The following CAPN5 variants were observed in gnomAD, a reference collection of about 807,000 sequenced individuals.
CAPN5 encodes the protein calpain-5.
Under a neutral mutation model 73.0 loss-of-function variants are expected in CAPN5, and 54 were observed. The ratio of observed to expected loss-of-function variants is 0.74; its 90% CI spans 0.59 to 0.93. CAPN5 has a LOEUF of 0.93. CAPN5 is among the 40% of genes least tolerant of loss of function. The pLI is 0.00. For synonymous variants in CAPN5, 335 were observed against 356.9 expected, an observed-to-expected ratio of 0.94 and a Z score of 0.69; for missense variants, 785 against 882.9, an observed-to-expected ratio of 0.89 and a Z score of 1.41.
intron 3 of CAPN5, among the ~76,000 whole-genome samples, chr11:77,098,423 G>A (rs1259892043): frequency 5.6e-5 from 6 of 107,740 alleles, no homozygotes; most frequent in Non-Finnish European, 9.6e-5. Context: ...CCGGGCAGAG[G>A]GGCTCCTCAC....
chr11:77,091,728 C>T (rs944998923), intron 2 of CAPN5, among the ~76,000 whole-genome samples: 16 of 152,142 alleles, frequency 1.1e-4, no homozygotes, highest in African/African-American at 3.6e-4. Flanking sequence ...ACCCCCAGCT[C>T]AGGCCTTGGG....
chr11:77,075,162 G>T (rs1949955931), intron 1 of CAPN5, among the ~76,000 whole-genome samples: 1 of 152,118 alleles, frequency 6.6e-6, no homozygotes, highest in Non-Finnish European at 1.5e-5. Flanking sequence ...CCTCTGGCGG[G>T]ATCCTCTGCA....
chr11:77,112,970 C>T (rs1459687955), intron 4 of CAPN5, 173 bp downstream of exon 4: 1 of 655,006 alleles, frequency 1.5e-6, no homozygotes, highest in Non-Finnish European at 2.6e-6. Context: ...TGAGCCTGTG[C>T]TGGGTGGGGT....
intron 2 of CAPN5, among the ~76,000 whole-genome samples, chr11:77,092,174 G>A (rs1450018833): frequency 6.6e-6 from 1 of 152,210 alleles, no homozygotes; most frequent in African/African-American, 2.4e-5. Flanking sequence ...AGCTGTGATT[G>A]TGACTGCACT....
At chr11:77,098,545 C>CA (rs1950241976) in intron 3 of CAPN5, among the ~76,000 whole-genome samples, 2 of 83,568 alleles carry the variant, frequency 2.4e-5, no homozygotes, top group Non-Finnish European at 4.7e-5. Flanking sequence ...GCTGGCCGGG[C>CA]GGGGGGCTGA....
chr11:77,083,443 C>T (rs376925919), intron 1 of CAPN5, among the ~76,000 whole-genome samples: 89 of 152,306 alleles, frequency 5.8e-4, no homozygotes, highest in African/African-American at 2.1e-3. Flanking sequence ...ACAGCCAAGG[C>T]GGTGGCACTA....
At chr11:77,091,835 TCCTAGCA>T (rs1950151671) in intron 2 of CAPN5, among the ~76,000 whole-genome samples, 1 of 152,316 alleles carries the variant, frequency 6.6e-6, no homozygotes, top group South Asian at 2.1e-4. Flanking sequence ...GGGCATAGCT[TCCTAGCA>T]CCTGAAAATT....
At chr11:77,074,403 C>T (rs1949946189) in intron 1 of CAPN5, among the ~76,000 whole-genome samples, 1 of 152,220 alleles carries the variant, frequency 6.6e-6, no homozygotes. Context: ...TTTCCCTCTC[C>T]CTGTGCCACA....
chr11:77,114,055 A>G (rs1465850609), intron 4 of CAPN5, among the ~76,000 whole-genome samples, 187 bp from the exon 5 acceptor site: 8 of 149,202 alleles, frequency 5.4e-5, no homozygotes, highest in African/African-American at 2.0e-4. Context: ...GGCTTAGGGG[A>G]ATTTAAGCCT....
intron 3 of CAPN5, among the ~76,000 whole-genome samples, chr11:77,094,054 T>TC (rs1178788096): frequency 6.6e-6 from 1 of 152,108 alleles, no homozygotes; most frequent in Non-Finnish European, 1.5e-5. Context: ...TTCTGATGTG[T>TC]CCCCCCCAAC....
At chr11:77,085,201 C>A (rs1555035293) in intron 2 of CAPN5, 150 bp downstream of exon 2, 4 of 693,884 alleles carry the variant, frequency 5.8e-6, no homozygotes, top group Non-Finnish European at 9.8e-6. Context: ...GGATTTGATC[C>A]GGATGGGGAG....
chr11:77,120,744 G>T lies in CAPN5; in HGVS notation c.1322G>T (p.Ser441Ile), dbSNP rs782010591. The change falls in exon 10 of 13, where the codon AGC (serine) becomes ATC (isoleucine). Residue 441 changes from serine to isoleucine, a missense_variant. Physicochemically the swap from Ser to Ile is moderately radical, Grantham distance 142. Transcript: ENST00000648180. ...GAGAACCGCCAGTACCGCATGCACA[G>T]CCTGCAGCACAAGGCCGCCAGCTCC... The part of the protein sequence containing the change: ...VEENRQYRMH[S>I]LQHKAASSIY... 9 of 1,613,178 alleles carry T rather than the reference G, an allele frequency of 5.6e-6. No homozygotes were observed. Among genetic ancestry groups the T allele is most frequent in the Non-Finnish European group, 6.8e-6 (8 of 1,179,742 alleles).
intron 4 of CAPN5, among the ~76,000 whole-genome samples, chr11:77,113,463 G>T (rs1221060684): frequency 2.0e-5 from 3 of 152,216 alleles, no homozygotes; most frequent in Admixed American, 2.0e-4. Flanking sequence ...GGGGCAGTGG[G>T]GTCAGAGGCC....
chr11:77,123,584 C>G, intron 12 of CAPN5, 104 bp from the exon 13 acceptor site: 1 of 954,832 alleles, frequency 1.0e-6, no homozygotes, highest in Non-Finnish European at 1.6e-6. Context: ...CTCAGCCAGG[C>G]TTGCACTTCA....
intron 3 of CAPN5, among the ~76,000 whole-genome samples, chr11:77,103,877 G>C (rs1428487226): frequency 1.3e-5 from 2 of 152,218 alleles, no homozygotes; most frequent in Non-Finnish European, 2.9e-5. Flanking sequence ...ATGGGGCAGG[G>C]TTGCTGCAGG....
At chr11:77,071,537 C>T (rs1394592808) in intron 1 of CAPN5, 1 of 419,398 alleles carries the variant, frequency 2.4e-6, no homozygotes, top group African/African-American at 2.0e-5. Flanking sequence ...CTATTACGGC[C>T]AAGTCCTGTC....
chr11:77,120,846 T>TC lies in CAPN5; in HGVS notation c.1425dup (p.Glu476ArgfsTer15). 1 of 1,614,066 alleles carries TC rather than the reference T, an allele frequency of 6.2e-7. No individual in the cohort carries two copies. Among genetic ancestry groups the TC allele is most frequent in the South Asian group, 1.1e-5 (1 of 91,058 alleles). The stretch of plus-strand genomic sequence containing the variant: ...CGCTATGTCATCATCCCCACAACCT[T>TC]CGAGCCAGGCCACACTGGCGAGTTC... On this transcript the variant is annotated frameshift_variant, in exon 10 of 13. Coordinates refer to ENST00000648180, the MANE Select transcript of CAPN5 (RefSeq NM_004055.5). LOFTEE classifies it high-confidence loss of function.
rs1555040916 is a variant in CAPN5, at chr11:77,112,579, C to T, written c.298-10C>T. On this transcript the variant is annotated splice_polypyrimidine_tract_variant and intron_variant, in intron 3 of 12. Transcript: ENST00000648180. The stretch of plus-strand genomic sequence containing the variant: ...TGTTCCCCCATCCTATCCCCCCTCC[C>T]CCTACCCAGGTCATCCCAGACTGGA... The T allele has an allele frequency of 1.2e-6, 2 of 1,612,158 alleles. No homozygotes were observed. Among genetic ancestry groups the T allele is most frequent in the Non-Finnish European group, 1.7e-6 (2 of 1,178,724 alleles).
chr11:77,094,773 A>G (rs868930590), intron 3 of CAPN5, among the ~76,000 whole-genome samples: 2 of 152,254 alleles, frequency 1.3e-5, no homozygotes, highest in African/African-American at 2.4e-5. Flanking sequence ...TGGTGAGGAT[A>G]GGACCAGATG....
Sources: allele counts gnomAD v4.1 joint callset (sites outside exome capture counted in the v4.1 genomes callset), GRCh38; gene constraint gnomAD v4.1.1; transcripts MANE v1.5; gene names NCBI Gene and HGNC (gene_info 2026-07-23, HGNC 2026-07-21).